Variants in SNX29 observed in about 807,000 individuals in gnomAD.
SNX29 encodes the protein sorting nexin 29.
In SNX29, 78 loss-of-function variants were observed where a neutral mutation model predicts 102.1. That is an observed-to-expected ratio of 0.76 (90% CI 0.64 to 0.92). SNX29 has a LOEUF of 0.92. Ranked by LOEUF, SNX29 falls within the 40% of genes least tolerant of loss-of-function variation. The pLI is 0.00. For missense variants in SNX29, 1,280 were observed against 1,061.7 expected (o/e 1.21, Z -2.86); for synonymous variants, 580 against 414.5 (o/e 1.40, Z -4.85).
chr16:12,470,078 T>C (rs911498185), intron 18 of SNX29, among the ~76,000 whole-genome samples: 25 of 152,254 alleles, frequency 1.6e-4, no homozygotes, highest in Non-Finnish European at 1.5e-5. Context: ...GTAACATGTC[T>C]GGCACCTGAC....
intron 20 of SNX29, chr16:12,526,474 G>C (rs2076786346): frequency 2.1e-6 from 1 of 480,488 alleles, no homozygotes; most frequent in African/African-American, 2.0e-5. Context: ...GTGATAAGAG[G>C]TGCCTTTTTG....
intron 1 of SNX29, among the ~76,000 whole-genome samples, chr16:11,985,945 G>A (rs378372): frequency 0.41 from 61,350 of 150,336 alleles, 14,039 homozygotes; most frequent in Non-Finnish European, 0.52. Flanking sequence ...TGATTCTCCC[G>A]CCTCGAGCGC....
intron 1 of SNX29, chr16:11,977,036 C>T: frequency 2.2e-6 from 1 of 455,110 alleles, no homozygotes; most frequent in Non-Finnish European, 3.6e-6. Flanking sequence ...TCTCCTGACT[C>T]CTGTCCATCC....
chr16:12,265,486 C>G (rs1196720685), intron 14 of SNX29, among the ~76,000 whole-genome samples: 1 of 152,084 alleles, frequency 6.6e-6, no homozygotes, highest in Non-Finnish European at 1.5e-5. Flanking sequence ...AGGAAAGACA[C>G]ATGAGACATG....
In SNX29 at chr16:12,572,113, C is replaced by G; in HGVS notation, c.*3484C>G. On this transcript the variant is annotated 3_prime_UTR_variant, in exon 21 of 21. Transcript: ENST00000566228. ...GAGGGATGTGGACTGGGTCTGATCA[C>G]AGCCCTTGGCCCTGCTTCATACTTT... 1 of 1,046,180 alleles carries G rather than the reference C, an allele frequency of 9.6e-7. No individual in the cohort carries two copies. Among genetic ancestry groups the G allele is most frequent in the South Asian group, 4.6e-5 (1 of 21,582 alleles). The allele number at this position is 1,046,180 out of a possible 1,614,324, so 64.8% of individuals were successfully genotyped here. A position where few individuals can be genotyped will look rare whatever the true frequency, so the allele number is the denominator to read the frequency against.
At chr16:12,460,538 A>G (rs2086734263) in intron 18 of SNX29, among the ~76,000 whole-genome samples, 1 of 152,056 alleles carries the variant, frequency 6.6e-6, no homozygotes, top group Non-Finnish European at 1.5e-5. Flanking sequence ...CACCTCCTCC[A>G]GGAAACTGCA....
At chr16:11,992,260 C>T (rs1167415644) in intron 1 of SNX29, among the ~76,000 whole-genome samples, 6 of 152,060 alleles carry the variant, frequency 3.9e-5, no homozygotes, top group African/African-American at 1.2e-4. Flanking sequence ...TGCCACTGTA[C>T]TTCAGCCTGG....
At chr16:12,500,783 G>T (rs111811787) in intron 19 of SNX29, among the ~76,000 whole-genome samples, 91 of 152,314 alleles carry the variant, frequency 6.0e-4, no homozygotes, top group African/African-American at 2.1e-3. Context: ...CCCCAGGTGG[G>T]TTGCATACAC....
intron 1 of SNX29, among the ~76,000 whole-genome samples, chr16:11,986,566 T>C (rs965840803): frequency 3.9e-5 from 6 of 152,272 alleles, no homozygotes; most frequent in Non-Finnish European, 8.8e-5. Context: ...TGAGCGTTTC[T>C]GCTTACATGA....
In SNX29 at chr16:12,568,694, C is replaced by A. The variant is rs982003163; in HGVS notation, c.*65C>A. ...CAGCTGCGTCCACCCCAGCCACTGC[C>A]GCTGGCCCCTCACCTCAGCGTGACA... On this transcript the variant is annotated 3_prime_UTR_variant, in exon 21 of 21. Transcript: ENST00000566228. The A allele has an allele frequency of 3.8e-6, 6 of 1,575,688 alleles. No homozygotes were observed. In the East Asian group the frequency reaches 1.4e-4, roughly 36 times the overall value.
intron 20 of SNX29, chr16:12,560,896 C>G (rs966715023): frequency 8.3e-5 from 16 of 193,114 alleles, no homozygotes; most frequent in African/African-American, 3.2e-4. Context: ...CAAGCAGTGG[C>G]TTTTTTAATC....
chr16:12,271,910 A>G (rs992683577), intron 14 of SNX29, among the ~76,000 whole-genome samples: 2 of 152,230 alleles, frequency 1.3e-5, no homozygotes, highest in African/African-American at 4.8e-5. Flanking sequence ...GGTGTGAACC[A>G]CTGTGCCCTG....
intron 14 of SNX29, among the ~76,000 whole-genome samples, chr16:12,260,549 T>G (rs944319334): frequency 1.6e-4 from 24 of 152,198 alleles, no homozygotes; most frequent in African/African-American, 5.3e-4. Flanking sequence ...TCTGAGCTTC[T>G]CTTTTCTCTC....
chr16:12,156,958 C>T (rs1035161296), intron 13 of SNX29, among the ~76,000 whole-genome samples: 1 of 152,074 alleles, frequency 6.6e-6, no homozygotes, highest in Non-Finnish European at 1.5e-5. Context: ...CTGTTTTAGT[C>T]GTGTTTCTCC....
intron 19 of SNX29, among the ~76,000 whole-genome samples, chr16:12,522,552 G>A (rs2090140542): frequency 6.6e-6 from 1 of 152,132 alleles, no homozygotes; most frequent in Non-Finnish European, 1.5e-5. Flanking sequence ...GGATCATGGG[G>A]GTGGATTTCC....
intron 20 of SNX29, among the ~76,000 whole-genome samples, chr16:12,558,425 A>G (rs1045240523): frequency 2.0e-5 from 3 of 152,240 alleles, no homozygotes; most frequent in Non-Finnish European, 4.4e-5. Flanking sequence ...GAAAGCTGAC[A>G]TCTAGAAAGC....
intron 15 of SNX29, among the ~76,000 whole-genome samples, chr16:12,331,042 T>A (rs2081277714): frequency 6.6e-6 from 1 of 152,210 alleles, no homozygotes; most frequent in Non-Finnish European, 1.5e-5. Context: ...CCAACTACAG[T>A]TCCTTGCTTC....
intron 16 of SNX29, among the ~76,000 whole-genome samples, chr16:12,388,637 C>T (rs1435887486): frequency 6.6e-6 from 1 of 152,194 alleles, no homozygotes; most frequent in Non-Finnish European, 1.5e-5. Flanking sequence ...TGAAAGCGGT[C>T]ATAGATGATA....
At chr16:12,361,326 G>C (rs943181530) in intron 16 of SNX29, among the ~76,000 whole-genome samples, 4 of 152,262 alleles carry the variant, frequency 2.6e-5, no homozygotes, top group African/African-American at 9.6e-5. Context: ...GACAGGTTCA[G>C]TGTCAGGTGG....
Sources: gnomAD v4.1 joint callset for allele counts (sites outside exome capture counted in the v4.1 genomes callset) on GRCh38, gnomAD v4.1.1 for gene constraint, MANE v1.5 for transcripts, NCBI Gene and HGNC (gene_info 2026-07-23, HGNC 2026-07-21) for gene names.